GPR89B: variants seen among roughly 807,000 people sequenced by gnomAD.
GPR89B encodes the protein golgi pH regulator B.
Under a neutral mutation model 52.4 loss-of-function variants are expected in GPR89B, and 25 were observed. The ratio of observed to expected loss-of-function variants is 0.48; its 90% confidence interval spans 0.35 to 0.67. The LOEUF is 0.67. Ranked by LOEUF, GPR89B falls within the 30% of genes least tolerant of loss-of-function variation. GPR89B has a pLI of 0.01. For synonymous variants in GPR89B, 52 were observed against 151.2 expected (o/e 0.34, Z 4.81); for missense variants, 146 against 450.2 (o/e 0.32, Z 6.11).
chr1:147,940,235 C>G (rs1553248711), intron 3 of GPR89B, among the ~76,000 whole-genome samples: 2 of 151,752 alleles, frequency 1.3e-5, no homozygotes, highest in Non-Finnish European at 2.9e-5. Context: ...AACCCCGTCT[C>G]TACTAAAAAT....
the GPR89B span, among the ~76,000 whole-genome samples, chr1:148,015,310 T>TCTCC: frequency 7.6e-6 from 1 of 131,454 alleles, no homozygotes; most frequent in Non-Finnish European, 1.6e-5. Context: ...TCTCTCTCTC[T>TCTCC]CTCTCTCTCT....
intron 1 of GPR89B, among the ~76,000 whole-genome samples, chr1:147,931,150 A>G (rs1202707412): frequency 1.2e-4 from 19 of 152,098 alleles, no homozygotes; most frequent in African/African-American, 4.6e-4. Flanking sequence ...TTAGGCACTA[A>G]TAAATATTTG....
chr1:147,932,223 A>G (rs1346994175), intron 1 of GPR89B, among the ~76,000 whole-genome samples: 1 of 152,056 alleles, frequency 6.6e-6, no homozygotes, highest in Non-Finnish European at 1.5e-5. Flanking sequence ...ACCGGTAAAT[A>G]TTTATAATAG....
rs1356252310 is a variant in GPR89B, at chr1:147,966,248, C to G, written c.618-306C>G. On this transcript the variant is annotated intron_variant, in intron 7 of 13. Transcript: ENST00000314163. The stretch of plus-strand genomic sequence containing the variant: ...CAACATGAATTCATATGTATTATTT[C>G]ATTTATCTTCACAACCATCCAGATA... 2.0e-5 allele frequency among the ~76,000 whole-genome samples: 3 copies of G among 152,136 alleles called. No homozygotes were observed. In the East Asian group the frequency reaches 5.8e-4, roughly 29 times the overall value.
At chr1:147,980,095 A>AG (rs1387573556) in intron 10 of GPR89B, among the ~76,000 whole-genome samples, 2 of 150,376 alleles carry the variant, frequency 1.3e-5, no homozygotes, top group Non-Finnish European at 3.0e-5. Flanking sequence ...CAAAAAAAAA[A>AG]AAAATTGATT....
the GPR89B span, among the ~76,000 whole-genome samples, chr1:148,023,772 CTTTGTAATGGGATTA>C: frequency 3.3e-5 from 5 of 151,194 alleles, no homozygotes; most frequent in African/African-American, 1.2e-4. Flanking sequence ...ACCTTGCCCA[CTTTGTAATGGGATTA>C]TTTTTTTTCT....
intron 12 of GPR89B, among the ~76,000 whole-genome samples, chr1:147,989,551 A>G (rs1408811116): frequency 6.6e-6 from 1 of 151,730 alleles, no homozygotes; most frequent in African/African-American, 2.4e-5. Flanking sequence ...CATTTACATT[A>G]GGTATATCTC....
At chr1:147,959,502 C>A (rs1656376867) in intron 7 of GPR89B, among the ~76,000 whole-genome samples, 1 of 152,036 alleles carries the variant, frequency 6.6e-6, no homozygotes, top group Admixed American at 6.6e-5. Context: ...GTAACTATTG[C>A]AAGTTGATAG....
chr1:148,025,213 A>C, the GPR89B span, among the ~76,000 whole-genome samples: 1 of 151,420 alleles, frequency 6.6e-6, no homozygotes, highest in Non-Finnish European at 1.5e-5. Flanking sequence ...TTTTTATTTC[A>C]TACCTGTTTG....
intron 2 of GPR89B, among the ~76,000 whole-genome samples, chr1:147,937,821 C>T (rs1553248220): frequency 1.3e-5 from 2 of 152,110 alleles, no homozygotes; most frequent in African/African-American, 4.8e-5. Context: ...ACAGTTAACG[C>T]AATCATCACA....
the GPR89B span, chr1:148,005,500 C>T: frequency 3.5e-5 from 56 of 1,606,080 alleles, 4 homozygotes; most frequent in African/African-American, 7.1e-4. Flanking sequence ...CATGTATACC[C>T]CCTTTTTACC....
intron 11 of GPR89B, 97 bp downstream of exon 11, chr1:147,986,391 G>C: frequency 6.7e-7 from 1 of 1,501,706 alleles, no homozygotes; most frequent in Non-Finnish European, 9.0e-7. Context: ...TTAGGTACTT[G>C]CTTCTGCTTT....
chr1:148,009,406 G>T, the GPR89B span: 8 of 1,611,792 alleles, frequency 5.0e-6, no homozygotes, highest in South Asian at 2.2e-5. Context: ...CAGAGCCGGG[G>T]CTGGGTCCAA....
At chr1:147,957,816 G>C (rs1212621424) in intron 7 of GPR89B, among the ~76,000 whole-genome samples, 2 of 152,044 alleles carry the variant, frequency 1.3e-5, no homozygotes, top group African/African-American at 4.8e-5. Flanking sequence ...TGTAATCCCA[G>C]CACTTTGGGA....
At chr1:147,990,477 C>T (rs1280077210) in intron 12 of GPR89B, among the ~76,000 whole-genome samples, 1 of 152,126 alleles carries the variant, frequency 6.6e-6, no homozygotes, top group African/African-American at 2.4e-5. Flanking sequence ...TCAATTTTGG[C>T]TTTTGTTGCC....
intron 5 of GPR89B, among the ~76,000 whole-genome samples, chr1:147,949,364 G>A (rs1462342536): frequency 2.8e-5 from 4 of 145,328 alleles, no homozygotes; most frequent in African/African-American, 1.1e-4. Context: ...TCACCTCCCA[G>A]ACCGGGTGGC....
rs1358978151 is a variant in GPR89B, at chr1:147,985,356, T to C, written c.910-843T>C. 5.3e-5 allele frequency among the ~76,000 whole-genome samples: 8 copies of C among 152,140 alleles called. 2 individuals carry two copies. Among genetic ancestry groups the C allele is most frequent in the African/African-American group, 1.9e-4 (8 of 41,456 alleles). ...TAACCTATTTGTATCTTTATATTTA[T>C]TAAAGTGGTTTTTTCATAAGGAATA... On this transcript the variant is annotated intron_variant, in intron 10 of 13. Transcript: ENST00000314163.
chr1:147,992,384 T>A, intron 12 of GPR89B, 118 bp from the exon 13 acceptor site: 1 of 763,972 alleles, frequency 1.3e-6, no homozygotes. Context: ...TGAATTGTTC[T>A]ATACAGGATT....
chr1:147,970,555 ATC>A (rs1200595357), intron 10 of GPR89B, among the ~76,000 whole-genome samples: 34 of 76,506 alleles, frequency 4.4e-4, no homozygotes, highest in Middle Eastern at 7.7e-3. Context: ...CTCTCTCTCT[ATC>A]TCTCTCTCTC....
Sources: gnomAD v4.1 joint callset for allele counts (sites outside exome capture counted in the v4.1 genomes callset) on GRCh38, gnomAD v4.1.1 for gene constraint, MANE v1.5 for transcripts, NCBI Gene and HGNC (gene_info 2026-07-23, HGNC 2026-07-21) for gene names.